NCAPD3: variants seen among roughly 807,000 people sequenced by gnomAD.
The protein encoded by NCAPD3 is non-SMC condensin II complex subunit D3, also known as condensin-2 complex subunit D3.
NCAPD3 carries 105 observed loss-of-function variants against 182.9 expected under a neutral mutation model. The observed-to-expected ratio is 0.57, with a 90% confidence interval of 0.49 to 0.68. The LOEUF (loss-of-function observed/expected upper bound fraction) is 0.68. Among genes scored for constraint, NCAPD3 ranks in the 30% least tolerant of loss-of-function variants. NCAPD3 has a pLI of 0.00. For missense variants in NCAPD3, 1,944 were observed against 1,837.0 expected (o/e 1.06, Z -1.07); for synonymous variants, 815 against 679.9 (o/e 1.20, Z -3.09).
intron 27 of NCAPD3, among the ~76,000 whole-genome samples, chr11:134,167,332 G>T (rs1174390091): frequency 1.6e-5 from 1 of 63,332 alleles, no homozygotes; most frequent in African/African-American, 1.4e-4. Context: ...TGAGCCTGGG[G>T]GAGGCGCACA....
intron 10 of NCAPD3, 46 bp downstream of exon 10, chr11:134,204,000 A>G (rs1192401749): frequency 6.6e-7 from 1 of 1,510,382 alleles, no homozygotes; most frequent in East Asian, 2.2e-5. Context: ...CCCTTTTAAA[A>G]AGAGTTTAAA....
At chr11:134,216,824 T>G in intron 3 of NCAPD3, 112 bp downstream of exon 3, 1 of 1,088,876 alleles carries the variant, frequency 9.2e-7, no homozygotes, top group Non-Finnish European at 1.3e-6. Flanking sequence ...CTGCCATGGG[T>G]TAGCACTGCC....
chr11:134,204,192 T>C lies in NCAPD3; in HGVS notation c.1090-21A>G, dbSNP rs144092768. 1,225 of 1,611,206 alleles carry C rather than the reference T, an allele frequency of 7.6e-4. 6 individuals carry two copies. The African/African-American group carries it at 0.015, about 19-fold the overall frequency. ...ACCACCTGAAAAGCAAAAAGAGAAG[T>C]TGACCAACCAATATCCACCCGCAGG... is the stretch of plus-strand genomic sequence containing the variant. On this transcript the variant is annotated intron_variant, in intron 9 of 34. Coordinates refer to ENST00000534548, the MANE Select transcript of NCAPD3 (RefSeq NM_015261.3). This position sits in a 1 kb window ranked among gnomAD's most constrained non-coding sequence, Gnocchi z 4.3.
chr11:134,180,997 T>C (rs1944283522), intron 20 of NCAPD3, 80 bp downstream of exon 20: 7 of 1,032,612 alleles, frequency 6.8e-6, no homozygotes, highest in Non-Finnish European at 1.5e-6. Flanking sequence ...ATTTAAAGCG[T>C]ACATGACAAA....
At chr11:134,200,998 C>T (rs1944735839) in intron 13 of NCAPD3, among the ~76,000 whole-genome samples, 1 of 151,240 alleles carries the variant, frequency 6.6e-6, no homozygotes, top group African/African-American at 2.4e-5. Flanking sequence ...TACATGACTG[C>T]ATTTATGCGG....
intron 24 of NCAPD3, chr11:134,173,144 C>A: frequency 6.5e-6 from 1 of 153,366 alleles, no homozygotes; most frequent in South Asian, 1.9e-4. Context: ...CAGAAGTGAC[C>A]ATCGTCCAGA....
At position 134,206,499 on chromosome 11, in the gene NCAPD3, G is replaced by T. The variant is rs543738820; in HGVS notation, c.1016+100C>A. The stretch of plus-strand genomic sequence containing the variant: ...TTTTCACCCCCAAAACCACCATCAG[G>T]CCAGAAATTTTAAGTCTACATGTAT... On this transcript the variant is annotated intron_variant, in intron 8 of 34. Coordinates refer to ENST00000534548, the MANE Select transcript of NCAPD3 (RefSeq NM_015261.3). The T allele has an allele frequency of 1.9e-5, 28 of 1,489,898 alleles. No individual in the cohort carries two copies. The Middle Eastern group carries it at 8.7e-4, about 46-fold the overall frequency. The allele number at this position is 1,489,898 out of a possible 1,614,324, so 92.3% of individuals were successfully genotyped here.
Position 134,150,227 on chromosome 11 carries a change from AAATT to A in NCAPD3, c.*2713_*2716del, listed in dbSNP as rs1943174841. On this transcript the variant is annotated 3_prime_UTR_variant, in exon 35 of 35. Transcript: ENST00000534548. ...CCATAGTTGCTTAGGAAACCTTTAA[AAATT>A]CCAGTTAAGCAATGTTGAAATCAGT... is the stretch of plus-strand genomic sequence containing the variant. The A allele has an allele frequency of 6.6e-6, 1 of 152,340 alleles. No individual in the cohort carries two copies. Among genetic ancestry groups the A allele is most frequent in the Non-Finnish European group, 1.5e-5 (1 of 68,126 alleles). 9.4% of individuals were successfully genotyped at this position (152,340 alleles called of 1,614,324 possible). A position where few individuals can be genotyped will look rare whatever the true frequency, so the allele number is the denominator to read the frequency against.
intron 24 of NCAPD3, among the ~76,000 whole-genome samples, chr11:134,169,830 A>G (rs1169403695): frequency 6.6e-6 from 1 of 152,244 alleles, no homozygotes; most frequent in Non-Finnish European, 1.5e-5. Flanking sequence ...CTCAGGGGTC[A>G]AACTAACATG....
Position 134,204,825 on chromosome 11 carries a change from A to T in NCAPD3, c.1089+74T>A. On this transcript the variant is annotated intron_variant, in intron 9 of 34. Transcript: ENST00000534548. This position sits in a 1 kb window ranked among gnomAD's most constrained non-coding sequence, Gnocchi z 4.3. Reference sequence around the variant, plus strand: ...TTCCCAAGAACAAATACCCACACTCACACACACACACACACATTTATCTTC... The same window carrying T: ...TTCCCAAGAACAAATACCCACACTCTCACACACACACACACATTTATCTTC... 3.7e-5 allele frequency: 28 copies of T among 762,256 alleles called. No homozygotes were observed. Among genetic ancestry groups the T allele is most frequent in the South Asian group, 1.4e-4 (6 of 41,626 alleles). The allele number at this position is 762,256 out of a possible 1,614,324, so 47.2% of individuals were successfully genotyped here.
At chr11:134,164,668 G>A (rs541336473) in intron 27 of NCAPD3, among the ~76,000 whole-genome samples, 2 of 150,242 alleles carry the variant, frequency 1.3e-5, no homozygotes, top group African/African-American at 2.4e-5. Flanking sequence ...CATGAGCTTG[G>A]GGGAGCTGCA....
At chr11:134,179,846 GA>G in intron 20 of NCAPD3, among the ~76,000 whole-genome samples, 1 of 152,078 alleles carries the variant, frequency 6.6e-6, no homozygotes, top group East Asian at 1.9e-4. Flanking sequence ...TCTAGGGTAA[GA>G]AAGCCAATAA....
At chr11:134,219,663 G>GT (rs1383442778) in intron 2 of NCAPD3, among the ~76,000 whole-genome samples, 4 of 151,634 alleles carry the variant, frequency 2.6e-5, no homozygotes, top group South Asian at 2.1e-4. Context: ...CAACCCTTTG[G>GT]TTTTTTTTGA....
Position 134,168,971 on chromosome 11 carries a change from T to C in NCAPD3, c.3185A>G (p.His1062Arg). ...CTCATGCTTCTCATAGTTATTAAAG[T>C]GAAAAATACATTCAATGAAGTGTTG... ...FFQHFIECIF[H>R]FNNYEKHEKY... Residue 1062 changes from histidine (H) to arginine (R), a missense_variant, in exon 25 of 35, where the codon CAC (histidine) becomes CGC (arginine). By Grantham distance (29) the His-to-Arg change is conservative. Around this residue, in one of 3 missense-constraint regions of NCAPD3, gnomAD observed 1,803 missense variants for 1,674.6 expected, o/e 1.08. Coordinates refer to ENST00000534548, the MANE Select transcript of NCAPD3 (RefSeq NM_015261.3). 7 of 1,613,956 alleles carry C rather than the reference T, an allele frequency of 4.3e-6. No individual in the cohort carries two copies. Among genetic ancestry groups the C allele is most frequent in the Non-Finnish European group, 5.9e-6 (7 of 1,179,892 alleles).
intron 28 of NCAPD3, among the ~76,000 whole-genome samples, chr11:134,161,126 G>C (rs934560697): frequency 1.3e-5 from 2 of 152,038 alleles, no homozygotes; most frequent in African/African-American, 4.8e-5. Flanking sequence ...AAAAAAAATT[G>C]TAGCATTTTT....
At chr11:134,223,526 G>A (rs999486498) in intron 1 of NCAPD3, 1 of 701,492 alleles carries the variant, frequency 1.4e-6, no homozygotes, top group South Asian at 1.5e-5. Context: ...GGAAGAAAGA[G>A]ATTTGCAATT....
chr11:134,156,069 G>C (rs1943411653), intron 32 of NCAPD3, among the ~76,000 whole-genome samples: 1 of 152,222 alleles, frequency 6.6e-6, no homozygotes, highest in African/African-American at 2.4e-5. Flanking sequence ...ACCAGGAAGA[G>C]CACCTTAGCA....
At chr11:134,194,448 T>C (rs914082614) in intron 14 of NCAPD3, among the ~76,000 whole-genome samples, 3 of 152,196 alleles carry the variant, frequency 2.0e-5, no homozygotes, top group Admixed American at 6.5e-5. Context: ...GATATAAATT[T>C]GTGGTTCTTA....
At chr11:134,187,812 T>C (rs1443228624) in intron 16 of NCAPD3, among the ~76,000 whole-genome samples, 1 of 152,226 alleles carries the variant, frequency 6.6e-6, no homozygotes, top group East Asian at 1.9e-4. Context: ...GGAGAGGAAG[T>C]GCACTGAACT....
Sources: gnomAD v4.1 joint callset for allele counts (sites outside exome capture counted in the v4.1 genomes callset) on GRCh38, gnomAD v4.1.1 for gene constraint, gnomAD v4.1.1 regional missense constraint, Gnocchi (gnomAD v3.1) non-coding constraint, MANE v1.5 for transcripts, NCBI Gene and HGNC (gene_info 2026-07-23, HGNC 2026-07-21) for gene names.